SEMA4A: variants seen among roughly 807,000 people sequenced by gnomAD.
SEMA4A encodes the protein semaphorin 4A, also known as semaphorin-4A.
In SEMA4A, 52 loss-of-function variants were observed where a neutral mutation model predicts 72.5. The ratio of observed to expected loss-of-function variants is 0.72; its 90% CI spans 0.57 to 0.90. The LOEUF (loss-of-function observed/expected upper bound fraction) is 0.90, where lower values mean the gene tolerates loss of function less well. Ranked by LOEUF, SEMA4A falls within the 40% of genes least tolerant of loss-of-function variation. The probability of loss-of-function intolerance (pLI) is 0.00; values close to 1 mark genes in which losing one functional copy is unlikely to be tolerated. For missense variants in SEMA4A, 926 were observed against 959.7 expected, an observed-to-expected ratio of 0.96 and a Z score of 0.46; for synonymous variants, 369 against 393.1, an observed-to-expected ratio of 0.94 and a Z score of 0.73.
intron 6 of SEMA4A, among the ~76,000 whole-genome samples, chr1:156,159,477 A>T (rs1016411585): frequency 2.6e-5 from 4 of 152,198 alleles, no homozygotes; most frequent in African/African-American, 9.7e-5. Flanking sequence ...AGAAAGATGC[A>T]TGTGGAGAGA....
intron 10 of SEMA4A, among the ~76,000 whole-genome samples, chr1:156,167,923 G>GT (rs869141766): frequency 7.4e-6 from 1 of 134,248 alleles, no homozygotes; most frequent in Non-Finnish European, 1.6e-5. Context: ...TTGTTTGTTT[G>GT]TTTTTTGTTT....
intron 11 of SEMA4A, among the ~76,000 whole-genome samples, chr1:156,173,587 G>A (rs1199655533): frequency 6.6e-6 from 1 of 152,070 alleles, no homozygotes; most frequent in East Asian, 1.9e-4. Flanking sequence ...GACACATGTC[G>A]AGCTGGGCAG....
At chr1:156,150,435 C>T (rs1652443919), upstream of SEMA4A, among the ~76,000 whole-genome samples, 1 of 152,028 alleles carries the variant, frequency 6.6e-6, no homozygotes. Flanking sequence ...GTGACCATAA[C>T]AAGAGGGCAG....
chr1:156,167,558 G>A (rs942503307), intron 10 of SEMA4A, among the ~76,000 whole-genome samples: 21 of 151,184 alleles, frequency 1.4e-4, no homozygotes, highest in African/African-American at 3.4e-4. Context: ...TATTTTTCTC[G>A]TGCATTTTTT....
At chr1:156,171,998 A>G (rs1490059745) in intron 10 of SEMA4A, among the ~76,000 whole-genome samples, 1 of 150,792 alleles carries the variant, frequency 6.6e-6, no homozygotes, top group African/African-American at 2.4e-5. Flanking sequence ...GTTAGCCAGG[A>G]TGGTCTCGAT....
intron 10 of SEMA4A, among the ~76,000 whole-genome samples, chr1:156,164,048 G>T (rs1251592490): frequency 9.0e-6 from 1 of 111,646 alleles, no homozygotes. Flanking sequence ...GTTTTTAAAT[G>T]AAAAAAAAAA....
chr1:156,172,036 G>A (rs956711682), intron 10 of SEMA4A, among the ~76,000 whole-genome samples: 1 of 150,792 alleles, frequency 6.6e-6, no homozygotes, highest in Non-Finnish European at 1.5e-5. Context: ...CGCCAGCCTC[G>A]GCCTCCCAAA....
chr1:156,162,811 G>C, intron 9 of SEMA4A, 133 bp from the exon 10 acceptor site: 1 of 1,070,872 alleles, frequency 9.3e-7, no homozygotes, highest in Non-Finnish European at 1.4e-6. Context: ...GTGAGGGGAA[G>C]GAGTGGTAGC....
At chr1:156,152,203 A>C (rs1652593444), upstream of SEMA4A, among the ~76,000 whole-genome samples, 1 of 152,242 alleles carries the variant, frequency 6.6e-6, no homozygotes, top group African/African-American at 2.4e-5. Flanking sequence ...AAAGCCTGAT[A>C]GTGTGAACTA....
At chr1:156,149,429 C>A (rs573179570), upstream of SEMA4A, among the ~76,000 whole-genome samples, 3 of 152,300 alleles carry the variant, frequency 2.0e-5, no homozygotes, top group South Asian at 6.2e-4. Context: ...ACCTTCTTCT[C>A]AGGCAGCTTA....
At chr1:156,160,781 A>G in intron 7 of SEMA4A, 124 bp from the exon 8 acceptor site, 1 of 1,424,924 alleles carries the variant, frequency 7.0e-7, no homozygotes, top group Non-Finnish European at 9.8e-7. Flanking sequence ...ACCCCTCGAC[A>G]AGCTGTGGGA....
intron 3 of SEMA4A, 125 bp downstream of exon 3, chr1:156,156,699 T>C (rs755067394): frequency 1.1e-6 from 1 of 913,508 alleles, no homozygotes; most frequent in Non-Finnish European, 1.7e-6. Context: ...GTTCTCTTTA[T>C]ATGTATATCG....
upstream of SEMA4A, chr1:156,150,124 A>C (rs1333734711): frequency 7.2e-6 from 1 of 138,878 alleles, no homozygotes; most frequent in African/African-American, 2.8e-5. Context: ...ACAGTTCTGA[A>C]GGGAGGGGGC....
In SEMA4A at chr1:156,163,065, G is replaced by T; in HGVS notation, c.1105G>T (p.Gly369Cys). The change falls in exon 10 of 15, where the codon GGC becomes TGC. Residue 369 changes from glycine (G) to cysteine (C), a missense_variant. Coordinates refer to ENST00000368285, the MANE Select transcript of SEMA4A (RefSeq NM_022367.4). ...KETSRWTTYR[G>C]PETNPRPGSC... is the part of the protein sequence containing the mutation. ...AACTTCACGCTGGACTACTTATAGG[G>T]GCCCTGAGACCAACCCCCGGCCAGG... 6.2e-7 allele frequency: 1 copy of T among 1,614,084 alleles called. No individual in the cohort carries two copies. The highest frequency in any genetic ancestry group is 8.5e-7 in the Non-Finnish European group (1 of 1,180,022).
chr1:156,173,199 T>A (rs890575628), intron 11 of SEMA4A, among the ~76,000 whole-genome samples, 193 bp downstream of exon 11: 1 of 152,242 alleles, frequency 6.6e-6, no homozygotes, highest in Admixed American at 6.5e-5. Flanking sequence ...CTACCCTTTC[T>A]GAGCTTCCTA....
At position 156,163,046 on chromosome 1, in the gene SEMA4A, A is replaced by C. The variant is rs145993678; in HGVS notation, c.1086A>C (p.Ser362=). Residue 362 remains serine, a synonymous_variant, in exon 10 of 15, where the codon TCA becomes TCC. Transcript: ENST00000368285. The part of the protein sequence containing the change: ...GKYKELNKET[S]RWTTYRGPET... ...ACAAAGAGTTGAACAAAGAAACTTC[A>C]CGCTGGACTACTTATAGGGGCCCTG... The C allele has an allele frequency of 2.3e-4, 378 of 1,614,072 alleles. No individual in the cohort carries two copies. Among genetic ancestry groups the C allele is most frequent in the Non-Finnish European group, 3.0e-4 (354 of 1,180,026 alleles).
Position 156,164,612 on chromosome 1 carries a change from C to A in SEMA4A, c.1134+1518C>A, listed in dbSNP as rs571514485. ...CAACATACAGTAACTGCACCCACCC[C>A]CAATCTCCTAACGTAGTTTTCTAGT... On this transcript the variant is annotated intron_variant, in intron 10 of 14. Transcript: ENST00000368285. Among the ~76,000 whole-genome samples the A allele has an allele frequency of 3.9e-5, 6 of 152,276 alleles. No homozygotes were observed. The South Asian group carries it at 1.2e-3, about 32-fold the overall frequency.
chr1:156,154,488 T>C, intron 1 of SEMA4A, 62 bp from the exon 2 acceptor site: 3 of 1,464,990 alleles, frequency 2.0e-6, no homozygotes, highest in Non-Finnish European at 2.8e-6. Context: ...CTCCTATTGG[T>C]CCTCGGGGGG....
rs1013388738 is a variant in SEMA4A, at chr1:156,175,693, G to T, written c.1693+37G>T. 3.4e-6 allele frequency: 5 copies of T among 1,473,772 alleles called. No homozygotes were observed. In the African/African-American group the frequency reaches 4.2e-5, roughly 12 times the overall value. The allele number at this position is 1,473,772 out of a possible 1,614,324, so 91.3% of individuals were successfully genotyped here. A position where few individuals can be genotyped will look rare whatever the true frequency, so the allele number is the denominator to read the frequency against. On this transcript the variant is annotated intron_variant, in intron 14 of 14. Coordinates refer to ENST00000368285, the MANE Select transcript of SEMA4A (RefSeq NM_022367.4). ...ACCACTCACCAGGGGAGGTGCAAAG[G>T]CTCTGGAAGACTTTTGGGCAGGGGT... is the stretch of plus-strand genomic sequence containing the variant.
Sources: allele counts gnomAD v4.1 joint callset (sites outside exome capture counted in the v4.1 genomes callset), GRCh38; gene constraint gnomAD v4.1.1; transcripts MANE v1.5; gene names NCBI Gene and HGNC (gene_info 2026-07-23, HGNC 2026-07-21).